The following ZNF609 variants were observed in gnomAD, a reference collection of about 807,000 sequenced individuals.
ZNF609 encodes the protein zinc finger protein 609.
In ZNF609, 11 loss-of-function variants were observed where a neutral mutation model predicts 109.5. The observed-to-expected ratio is 0.10, with a 90% CI of 0.06 to 0.17. ZNF609 has a LOEUF of 0.17. Among genes scored for constraint, ZNF609 ranks in the 10% least tolerant of loss-of-function variants. The pLI, the probability that ZNF609 is intolerant of heterozygous loss-of-function variation, is 1.00. For missense variants in ZNF609, 1,559 were observed against 1,772.4 expected, an observed-to-expected ratio of 0.88 and a Z score of 2.16; for synonymous variants, 646 against 662.0, an observed-to-expected ratio of 0.98 and a Z score of 0.37.
chr15:64,544,679 G>A (rs1156392353), intron 2 of ZNF609, among the ~76,000 whole-genome samples: 1 of 152,164 alleles, frequency 6.6e-6, no homozygotes, highest in African/African-American at 2.4e-5. Flanking sequence ...AGCAGTGACT[G>A]TCAGGCTGTC....
At chr15:64,487,112 A>C (rs756608353) in intron 1 of ZNF609, among the ~76,000 whole-genome samples, 1 of 151,984 alleles carries the variant, frequency 6.6e-6, no homozygotes, top group Non-Finnish European at 1.5e-5. Flanking sequence ...ATCATTACTT[A>C]ATTTTTTTTG....
chr15:64,500,674 T>C, intron 2 of ZNF609: 2 of 497,872 alleles, frequency 4.0e-6, no homozygotes, highest in Admixed American at 7.2e-5. Context: ...TACGAAGTGT[T>C]CTATTGCCGG....
intron 2 of ZNF609, among the ~76,000 whole-genome samples, chr15:64,550,870 C>T (rs1894457448): frequency 6.6e-6 from 1 of 150,668 alleles, no homozygotes; most frequent in Admixed American, 6.6e-5. Context: ...ACATGATTTG[C>T]AAATATTTTC....
intron 4 of ZNF609, among the ~76,000 whole-genome samples, chr15:64,670,987 A>G (rs1459991409): frequency 6.6e-6 from 1 of 151,612 alleles, no homozygotes; most frequent in Non-Finnish European, 1.5e-5. Context: ...AGGCGGGTGG[A>G]TCATGAGGTC....
chr15:64,600,550 C>T (rs1038674083), intron 2 of ZNF609, among the ~76,000 whole-genome samples: 1 of 149,736 alleles, frequency 6.7e-6, no homozygotes, highest in Non-Finnish European at 1.5e-5. Context: ...GCACAAGAAT[C>T]ACTTAAACCC....
At chr15:64,479,059 C>T (rs920902186) in intron 1 of ZNF609, among the ~76,000 whole-genome samples, 1 of 152,070 alleles carries the variant, frequency 6.6e-6, no homozygotes, top group African/African-American at 2.4e-5. Context: ...GTAGGCCCTT[C>T]CAGTTGCAGA....
chr15:64,645,344 G>A (rs961360707), intron 3 of ZNF609, among the ~76,000 whole-genome samples: 1 of 151,926 alleles, frequency 6.6e-6, no homozygotes, highest in Non-Finnish European at 1.5e-5. Flanking sequence ...GCCTACCACA[G>A]CCTCCCAAAA....
At chr15:64,498,612 T>C (rs945294174) in intron 1 of ZNF609, among the ~76,000 whole-genome samples, 4 of 152,180 alleles carry the variant, frequency 2.6e-5, no homozygotes. Context: ...AGATAATAAT[T>C]TGAAACCTGG....
At chr15:64,639,402 G>A (rs1896222296) in intron 3 of ZNF609, among the ~76,000 whole-genome samples, 1 of 152,240 alleles carries the variant, frequency 6.6e-6, no homozygotes. Context: ...CCAGGCATCT[G>A]AGATCAAGGT....
At chr15:64,514,398 C>A (rs561719774) in intron 2 of ZNF609, among the ~76,000 whole-genome samples, 1 of 152,276 alleles carries the variant, frequency 6.6e-6, no homozygotes, top group South Asian at 2.1e-4. Context: ...TCAGTTCCAA[C>A]CTTCATGTTC....
intron 2 of ZNF609, among the ~76,000 whole-genome samples, chr15:64,556,440 A>G (rs1252595173): frequency 2.0e-5 from 3 of 152,106 alleles, no homozygotes; most frequent in Non-Finnish European, 4.4e-5. Context: ...GCCAGCACTT[A>G]TTTTAAATGC....
chr15:64,603,427 C>A (rs1895538571), intron 2 of ZNF609, among the ~76,000 whole-genome samples: 1 of 151,744 alleles, frequency 6.6e-6, no homozygotes, highest in African/African-American at 2.4e-5. Flanking sequence ...TCCCACCACA[C>A]CTGGCTAATT....
intron 3 of ZNF609, among the ~76,000 whole-genome samples, chr15:64,656,757 C>G (rs1896494473): frequency 6.6e-6 from 1 of 151,174 alleles, no homozygotes; most frequent in Admixed American, 6.6e-5. Context: ...TCCTCCCTCT[C>G]TCCCTCTTTC....
intron 3 of ZNF609, among the ~76,000 whole-genome samples, chr15:64,665,856 A>AGTAGG (rs1464078259): frequency 6.7e-6 from 1 of 150,310 alleles, no homozygotes; most frequent in Non-Finnish European, 1.5e-5. Context: ...CGATGACCCA[A>AGTAGG]GATCACGCCA....
At chr15:64,630,697 G>T (rs2140981805) in intron 3 of ZNF609, among the ~76,000 whole-genome samples, 1 of 150,714 alleles carries the variant, frequency 6.6e-6, no homozygotes, top group East Asian at 2.0e-4. Context: ...CAGACTCCTG[G>T]CCTCAAATGA....
chr15:64,602,693 G>T (rs1273443049), intron 2 of ZNF609, among the ~76,000 whole-genome samples: 1 of 146,830 alleles, frequency 6.8e-6, no homozygotes, highest in Non-Finnish European at 1.5e-5. Context: ...ATTAACTACT[G>T]CCCTGACTTT....
At chr15:64,605,680 T>G (rs1163290296) in intron 2 of ZNF609, among the ~76,000 whole-genome samples, 1 of 152,042 alleles carries the variant, frequency 6.6e-6, no homozygotes, top group Non-Finnish European at 1.5e-5. Flanking sequence ...ATAATGTTAT[T>G]AGTGGTTAAC....
In ZNF609 at chr15:64,499,882, G is replaced by T. The variant is rs543917172; in HGVS notation, c.463G>T (p.Gly155Cys). 1 of 1,613,918 alleles carries T rather than the reference G, an allele frequency of 6.2e-7. No individual in the cohort carries two copies. Among genetic ancestry groups the T allele is most frequent in the Non-Finnish European group, 8.5e-7 (1 of 1,179,958 alleles). Reference protein sequence around the residue: ...KAAKASRSVAGSKKEKENSSS... With the variant: ...KAAKASRSVACSKKEKENSSS... Reference sequence around the variant, plus strand: ...GGCTAAGGCATCCCGCAGTGTAGCCGGTTCCAAAAAGGAGAAGGAGAACAG... The same window carrying T: ...GGCTAAGGCATCCCGCAGTGTAGCCTGTTCCAAAAAGGAGAAGGAGAACAG... The change falls in exon 2 of 10, where the codon GGT (glycine) becomes TGT (cysteine). Residue 155 changes from glycine to cysteine, a missense_variant. Transcript: ENST00000326648.
chr15:64,481,706 C>T (rs1412130786), intron 1 of ZNF609, among the ~76,000 whole-genome samples: 1 of 152,066 alleles, frequency 6.6e-6, no homozygotes, highest in African/African-American at 2.4e-5. Flanking sequence ...TTAGGAACAA[C>T]CTAGAAATTA....
Sources: gnomAD v4.1 joint callset for allele counts (sites outside exome capture counted in the v4.1 genomes callset) on GRCh38, gnomAD v4.1.1 for gene constraint, MANE v1.5 for transcripts, NCBI Gene and HGNC (gene_info 2026-07-23, HGNC 2026-07-21) for gene names.